DPP7: variants seen among roughly 807,000 people sequenced by gnomAD.
The protein encoded by DPP7 is dipeptidyl peptidase 2.
A neutral mutation model predicts 58.8 loss-of-function variants in DPP7; 74 were observed. The observed-to-expected ratio is 1.26, with a 90% CI of 1.04 to 1.53. The LOEUF is 1.53. Ranked by LOEUF, DPP7 falls within the 40% of genes most tolerant of loss-of-function variation. DPP7 has a pLI of 0.00. For synonymous variants in DPP7, 350 were observed against 303.6 expected (o/e 1.15, Z -1.59); for missense variants, 807 against 692.3 (o/e 1.17, Z -1.86).
rs1564319522 is a variant in DPP7 at position 137,110,947 on chromosome 9, G to GA, written c.1275dup (p.Arg426SerfsTer35). ...ATGACTGAGGCACTCAGGTTCCTCC[G>GA]AATCTGTGGTCAGTGGAAAGAACTC... On this transcript the variant is annotated frameshift_variant, in exon 12 of 13. Transcript: ENST00000371579. LOFTEE classifies it high-confidence loss of function. 4.3e-6 allele frequency: 7 copies of GA among 1,612,928 alleles called. No homozygotes were observed. Among genetic ancestry groups the GA allele is most frequent in the Non-Finnish European group, 5.1e-6 (6 of 1,179,830 alleles).
rs1025263631 is a variant in DPP7 at position 137,110,795 on chromosome 9, G to A, written c.1344-12C>T. The A allele has an allele frequency of 1.2e-6, 2 of 1,602,666 alleles. No homozygotes were observed. The highest frequency in any genetic ancestry group is 1.7e-6 in the Non-Finnish European group (2 of 1,178,908). ...CTGGGTGGGAGGCTCTGGGGAGCGG[G>A]CACAGAGGGGGCCCGTCAGCCCCAG... On this transcript the variant is annotated splice_polypyrimidine_tract_variant and intron_variant, in intron 12 of 12. Coordinates refer to ENST00000371579, the MANE Select transcript of DPP7 (RefSeq NM_013379.3).
rs551973637 is a variant in DPP7, at chr9:137,114,652, G to C, written c.62C>G (p.Ala21Gly). The change falls in exon 1 of 13, where the codon GCG (alanine) becomes GGG (glycine). Residue 21 changes from alanine (A) to glycine (G), a missense_variant. Ala to Gly is a moderately conservative substitution (Grantham distance 60, BLOSUM62 0). Around this residue, in one of 3 missense-constraint regions of DPP7, gnomAD observed 168 missense variants for 124.1 expected, o/e 1.35. Transcript: ENST00000371579. ...LLALGLRGLQ[A>G]GARRAPDPGF... ...CGGGGGGCGCCGCCACTCACCCCCC[G>C]CCTGGAGGCCGCGCAGCCCGAGCGC... 3.0e-3 allele frequency: 4,157 copies of C among 1,375,000 alleles called. 10 individuals are homozygous for C. The highest frequency in any genetic ancestry group is 3.1e-3 in the Admixed American group (78 of 25,500). 85.2% of individuals were successfully genotyped at this position (1,375,000 alleles called of 1,614,324 possible).
At chr9:137,117,905 C>G (rs1293888611), upstream of DPP7, among the ~76,000 whole-genome samples, 4 of 152,166 alleles carry the variant, frequency 2.6e-5, no homozygotes, top group African/African-American at 9.7e-5. Flanking sequence ...TGGACCCCAG[C>G]CCCTGGCACT....
chr9:137,114,849 C>T, upstream of DPP7: 11 of 556,094 alleles, frequency 2.0e-5, no homozygotes, highest in Non-Finnish European at 2.6e-5. Context: ...CGCGCCGGGG[C>T]TGTGCCCCCC....
rs1348463824 is a variant in DPP7, at chr9:137,113,963, C to G, written c.387G>C (p.Leu129=). The change falls in exon 4 of 13, where the codon CTG becomes CTC. Residue 129 remains leucine, a synonymous_variant. Coordinates refer to ENST00000371579, the MANE Select transcript of DPP7 (RefSeq NM_013379.3). ...QSTQRGHTEL[L]TVEQALADFA... ...AGTCGGCCAGGGCCTGCTCCACCGT[C>G]AGCAGCTCCGTGTGCCCGCGCTGCG... 1.9e-6 allele frequency: 3 copies of G among 1,584,892 alleles called. No homozygotes were observed. In the East Asian group the frequency reaches 6.9e-5, roughly 36 times the overall value.
chr9:137,114,005 C>G lies in DPP7; in HGVS notation c.345G>C (p.Pro115=). 2.0e-6 allele frequency: 3 copies of G among 1,521,070 alleles called. No individual in the cohort carries two copies. The highest frequency in any genetic ancestry group is 1.4e-5 in the African/African-American group (1 of 70,672). 94.2% of individuals were successfully genotyped at this position (1,521,070 alleles called of 1,614,324 possible). A position where few individuals can be genotyped will look rare whatever the true frequency, so the allele number is the denominator to read the frequency against. Residue 115 remains proline (P), a synonymous_variant, in exon 4 of 13, where the codon CCG becomes CCC. Coordinates refer to ENST00000371579, the MANE Select transcript of DPP7 (RefSeq NM_013379.3). ...AEHRYYGKSL[P]FGAQSTQRGH... ...CGCGCTGCGTGGACTGCGCACCGAA[C>G]GGCAGCGACTTCCCGTAGTAGCGCT...
intron 4 of DPP7, 149 bp downstream of exon 4, chr9:137,113,716 C>T (rs1253963042): frequency 1.4e-6 from 2 of 1,420,694 alleles, no homozygotes; most frequent in African/African-American, 1.4e-5. Flanking sequence ...GGAGGGCTTC[C>T]TGGGGGAGGC....
chr9:137,117,971 T>A (rs1264177048), upstream of DPP7, among the ~76,000 whole-genome samples: 2 of 151,938 alleles, frequency 1.3e-5, no homozygotes, highest in Non-Finnish European at 2.9e-5. Flanking sequence ...GTCATATCAG[T>A]GGAATCCTAC....
At position 137,113,879 on chromosome 9, in the gene DPP7, G is replaced by A. The variant is rs752974082; in HGVS notation, c.471C>T (p.Ile157=). ...RDLGAQDAPA[I]AFGGSYGGML... is the part of the protein sequence containing the mutation. ...GAGGCGCCCACCTTCCACCGAAGGC[G>A]ATGGCGGGGGCATCCTGGGCCCCGA... The change falls in exon 4 of 13, where the codon ATC becomes ATT. Residue 157 remains isoleucine (I), a synonymous_variant. Transcript: ENST00000371579. The A allele has an allele frequency of 4.5e-6, 7 of 1,554,084 alleles. No homozygotes were observed. The highest frequency in any genetic ancestry group is 6.1e-6 in the Non-Finnish European group (7 of 1,155,450).
At chr9:137,111,637 C>CAA in intron 11 of DPP7, 53 bp downstream of exon 11, 15 of 1,351,780 alleles carry the variant, frequency 1.1e-5, no homozygotes, top group Admixed American at 2.0e-5. Context: ...GACCCTGTCT[C>CAA]AAAAAAAAAA....
rs141121231 is a variant in DPP7 at position 137,113,700 on chromosome 9, C to T, written c.485+165G>A. 1.4e-4 allele frequency: 201 copies of T among 1,420,566 alleles called. 1 individual carries two copies. In the East Asian group the frequency reaches 3.9e-3, roughly 27 times the overall value. 88.0% of individuals were successfully genotyped at this position (1,420,566 alleles called of 1,614,324 possible). A position where few individuals can be genotyped will look rare whatever the true frequency, so the allele number is the denominator to read the frequency against. On this transcript the variant is annotated intron_variant, in intron 4 of 12. Coordinates refer to ENST00000371579, the MANE Select transcript of DPP7 (RefSeq NM_013379.3). ...CAAGCTGAGCAGGTGGCTGGGAGGA[C>T]AGGTGGGAGGGCTTCCTGGGGGAGG...
chr9:137,113,290 G>T lies in DPP7; in HGVS notation c.622-3C>A. The T allele has an allele frequency of 1.9e-6, 3 of 1,613,666 alleles. No individual in the cohort carries two copies. Among genetic ancestry groups the T allele is most frequent in the Non-Finnish European group, 2.5e-6 (3 of 1,179,990 alleles). ...TTGGGACTCTGGCCCTCAAAGTCCT[G>T]GGGGAAAGAGACCGTGCTGACTGCA... On this transcript the variant is annotated splice_polypyrimidine_tract_variant and splice_region_variant and intron_variant, in intron 5 of 12. Transcript: ENST00000371579.
rs759583610 is a variant in DPP7, at chr9:137,114,572, G to A, written c.72C>T (p.Arg24=). The part of the protein sequence containing the change: ...LGLRGLQAGA[R]RAPDPGFQER... ...CCTGGAAGCCGGGGTCCGGGGCCCT[G>A]CGGGCTGTGGGGGGACGCGAACCTC... is the stretch of plus-strand genomic sequence containing the variant. Residue 24 remains arginine, a synonymous_variant, in exon 2 of 13, where the codon CGC becomes CGT. Transcript: ENST00000371579. 1.3e-6 allele frequency: 2 copies of A among 1,541,068 alleles called. No homozygotes were observed. The highest frequency in any genetic ancestry group is 1.7e-6 in the Non-Finnish European group (2 of 1,144,786).
chr9:137,113,738 T>C, intron 4 of DPP7, 127 bp downstream of exon 4: 1 of 1,411,510 alleles, frequency 7.1e-7, no homozygotes, highest in Non-Finnish European at 9.2e-7. Context: ...ACACTAAGCC[T>C]GGAACCACTG....
At chr9:137,115,732 G>A (rs938722358), upstream of DPP7, among the ~76,000 whole-genome samples, 5 of 152,030 alleles carry the variant, frequency 3.3e-5, no homozygotes, top group Admixed American at 3.3e-4. Context: ...CTGGTGGCTG[G>A]GGCCCTCAGC....
intron 1 of DPP7, 21 bp from the exon 2 acceptor site, chr9:137,114,597 C>T (rs755569618): frequency 1.2e-5 from 18 of 1,481,678 alleles, no homozygotes; most frequent in Admixed American, 9.6e-5. Context: ...ACGCGAACCT[C>T]AGAGGCGGGG....
At chr9:137,115,827 G>A (rs1831621112), upstream of DPP7, among the ~76,000 whole-genome samples, 1 of 152,168 alleles carries the variant, frequency 6.6e-6, no homozygotes, top group African/African-American at 2.4e-5. Context: ...TCACATCTGG[G>A]CCCTGTCCCA....
chr9:137,115,826 G>A (rs1831621070), upstream of DPP7, among the ~76,000 whole-genome samples: 1 of 152,054 alleles, frequency 6.6e-6, no homozygotes, highest in South Asian at 2.1e-4. Flanking sequence ...CTCACATCTG[G>A]GCCCTGTCCC....
Position 137,112,010 on chromosome 9 carries a change from A to G in DPP7, c.1070T>C (p.Leu357Pro). 1 of 1,613,660 alleles carries G rather than the reference A, an allele frequency of 6.2e-7. No homozygotes were observed. The highest frequency in any genetic ancestry group is 8.5e-7 in the Non-Finnish European group (1 of 1,179,812). The change falls in exon 10 of 13, where the codon CTG becomes CCG. Residue 357 changes from leucine to proline, a missense_variant. By Grantham distance (98) the Leu-to-Pro change is moderately conservative. Coordinates refer to ENST00000371579, the MANE Select transcript of DPP7 (RefSeq NM_013379.3). ...WDYQACTEIN[L>P]TFASNNVTDM... Reference sequence around the variant, plus strand: ...GGTCACATTGTTGCTGGCGAAGGTCAGGTTGATCTCGGTGCAGGCCTGCAG... The same window carrying G: ...GGTCACATTGTTGCTGGCGAAGGTCGGGTTGATCTCGGTGCAGGCCTGCAG...
Sources: allele counts gnomAD v4.1 joint callset (sites outside exome capture counted in the v4.1 genomes callset), GRCh38; gene constraint gnomAD v4.1.1; regional missense constraint gnomAD v4.1.1; transcripts MANE v1.5; gene names NCBI Gene and HGNC (gene_info 2026-07-23, HGNC 2026-07-21).